NUBPL: variants seen among roughly 807,000 people sequenced by gnomAD.
NUBPL encodes iron-sulfur cluster transfer protein NUBPL.
A neutral mutation model predicts 45.7 loss-of-function variants in NUBPL; 31 were observed. The observed-to-expected ratio is 0.68, with a 90% CI of 0.51 to 0.92. NUBPL has a LOEUF of 0.92. Ranked by LOEUF, NUBPL falls within the 40% of genes least tolerant of loss-of-function variation. The probability of loss-of-function intolerance (pLI) is 0.00; values close to 1 mark genes in which losing one functional copy is unlikely to be tolerated. For missense variants in NUBPL, 401 were observed against 398.7 expected (o/e 1.01, Z -0.05); for synonymous variants, 144 against 140.9 (o/e 1.02, Z -0.15).
At chr14:31,591,079 C>A (rs1595333520) in intron 3 of NUBPL, among the ~76,000 whole-genome samples, 2 of 152,228 alleles carry the variant, frequency 1.3e-5, no homozygotes, top group South Asian at 4.1e-4. Flanking sequence ...ATATTTGAAA[C>A]CCTATTGTAC....
chr14:31,814,714 T>A (rs1262381757), intron 7 of NUBPL, among the ~76,000 whole-genome samples: 2 of 152,206 alleles, frequency 1.3e-5, no homozygotes, highest in African/African-American at 4.8e-5. Flanking sequence ...AATTTTTGAA[T>A]AAGGTGTAAG....
chr14:31,795,283 C>T lies in NUBPL; in HGVS notation c.607+7410C>T, dbSNP rs2039462069. ...ATTCTGTGAAGAAAGTCATTGGTAG[C>T]TTGATGGGGATGGCATTGAATCTGT... On this transcript the variant is annotated intron_variant, in intron 7 of 10. Coordinates refer to ENST00000281081, the MANE Select transcript of NUBPL (RefSeq NM_025152.3). Among the ~76,000 whole-genome samples the T allele has an allele frequency of 2.7e-5, 4 of 146,240 alleles. No individual in the cohort carries two copies. The South Asian group carries it at 8.9e-4, about 33-fold the overall frequency.
rs891997086 is a variant in NUBPL, at chr14:31,757,855, C to T, written c.514-29925C>T. Among the ~76,000 whole-genome samples, 4 of 152,100 alleles carry T rather than the reference C, an allele frequency of 2.6e-5. No individual in the cohort carries two copies. The East Asian group carries it at 7.7e-4, about 29-fold the overall frequency. Reference sequence around the variant, plus strand: ...CTAGTCTGACCTCTACTTACCTCATCTCTACCATGCTTACCCAAGTTCAGA... The same window carrying T: ...CTAGTCTGACCTCTACTTACCTCATTTCTACCATGCTTACCCAAGTTCAGA... On this transcript the variant is annotated intron_variant, in intron 6 of 10. Coordinates refer to ENST00000281081, the MANE Select transcript of NUBPL (RefSeq NM_025152.3).
At chr14:31,665,290 CT>C (rs2036379419) in intron 4 of NUBPL, among the ~76,000 whole-genome samples, 1 of 152,034 alleles carries the variant, frequency 6.6e-6, no homozygotes, top group African/African-American at 2.4e-5. Flanking sequence ...GCTCTTGCTT[CT>C]CTAGTTCTTT....
chr14:31,763,483 A>C (rs148261790), intron 6 of NUBPL, among the ~76,000 whole-genome samples: 201 of 152,170 alleles, frequency 1.3e-3, no homozygotes, highest in African/African-American at 4.7e-3. Context: ...TTATGTGTTC[A>C]TATGTCCTTG....
chr14:31,568,528 A>C (rs1211746380), intron 3 of NUBPL, among the ~76,000 whole-genome samples: 1 of 152,228 alleles, frequency 6.6e-6, no homozygotes, highest in Non-Finnish European at 1.5e-5. Context: ...ATTTCAGAAA[A>C]ATTGGATTCA....
In NUBPL at chr14:31,860,302, C is replaced by CAAAAAAAAAAAAAAAAAAAAAAAAAAAA. The variant is rs34847511; in HGVS notation, c.*1147_*1148insAAAAAAAAAAAAAAAAAAAAAAAAAAAA. The CAAAAAAAAAAAAAAAAAAAAAAAAAAAA allele has an allele frequency of 1.3e-5, 1 of 75,498 alleles. No homozygotes were observed. Among genetic ancestry groups the CAAAAAAAAAAAAAAAAAAAAAAAAAAAA allele is most frequent in the African/African-American group, 5.1e-5 (1 of 19,480 alleles). The allele number at this position is 75,498 out of a possible 1,614,324, so 4.7% of individuals were successfully genotyped here. ...TGGTCAATGGAGTGCGACTCCATCT[C>CAAAAAAAAAAAAAAAAAAAAAAAAAAAA]AAAAAAAAAAAAAAAAAAAAAAAAA... is the stretch of plus-strand genomic sequence containing the variant. On this transcript the variant is annotated 3_prime_UTR_variant, in exon 11 of 11. Transcript: ENST00000281081.
chr14:31,610,608 C>CAAAAAAAAAAAAAAAAAAAAA (rs775656176), intron 4 of NUBPL, among the ~76,000 whole-genome samples: 6 of 94,708 alleles, frequency 6.3e-5, no homozygotes, highest in East Asian at 3.2e-4. Context: ...AAAGATACAT[C>CAAAAAAAAAAAAAAAAAAAAA]AAAAAAAAAA....
intron 7 of NUBPL, among the ~76,000 whole-genome samples, chr14:31,805,742 G>A (rs2039672617): frequency 6.6e-6 from 1 of 151,980 alleles, no homozygotes; most frequent in Admixed American, 6.6e-5. Context: ...CAACACACTG[G>A]GGCCTCTCAG....
intron 4 of NUBPL, among the ~76,000 whole-genome samples, chr14:31,653,418 C>G (rs2036061214): frequency 6.6e-6 from 1 of 152,152 alleles, no homozygotes; most frequent in African/African-American, 2.4e-5. Flanking sequence ...GAATGCAATT[C>G]TTTTCCTAGG....
intron 6 of NUBPL, among the ~76,000 whole-genome samples, chr14:31,698,028 C>T (rs2037251579): frequency 6.6e-6 from 1 of 152,142 alleles, no homozygotes; most frequent in Admixed American, 6.5e-5. Flanking sequence ...TGGGGACTTC[C>T]AGTACTGGAG....
intron 4 of NUBPL, among the ~76,000 whole-genome samples, chr14:31,609,274 T>TA (rs2034689905): frequency 6.6e-6 from 1 of 152,160 alleles, no homozygotes. Context: ...GGAGTTGCTA[T>TA]ACTTACATCA....
intron 10 of NUBPL, among the ~76,000 whole-genome samples, chr14:31,853,533 T>C (rs1381666279): frequency 6.6e-6 from 1 of 152,180 alleles, no homozygotes; most frequent in African/African-American, 2.4e-5. Context: ...CACAAAATCC[T>C]TTAGAATTAC....
chr14:31,598,294 ATAGG>A (rs1333417826), intron 3 of NUBPL, among the ~76,000 whole-genome samples: 2 of 152,188 alleles, frequency 1.3e-5, no homozygotes, highest in Admixed American at 1.3e-4. Context: ...TTGTCTAGAA[ATAGG>A]TAGGTAACAT....
intron 4 of NUBPL, among the ~76,000 whole-genome samples, chr14:31,599,930 T>TC (rs1310866336): frequency 6.6e-6 from 1 of 150,520 alleles, no homozygotes; most frequent in East Asian, 2.0e-4. Context: ...TTTTCTTTTT[T>TC]TTTTTTTTTG....
At chr14:31,594,907 T>A (rs1271074464) in intron 3 of NUBPL, among the ~76,000 whole-genome samples, 2 of 152,200 alleles carry the variant, frequency 1.3e-5, no homozygotes, top group East Asian at 3.8e-4. Context: ...GCTGGGTACT[T>A]CTGTAGAAGT....
intron 6 of NUBPL, among the ~76,000 whole-genome samples, chr14:31,775,464 A>G (rs1259792045): frequency 6.6e-6 from 1 of 152,100 alleles, no homozygotes. Flanking sequence ...CAAAAGTGCC[A>G]TATCTCACAT....
At chr14:31,814,477 A>G (rs2115957) in intron 7 of NUBPL, among the ~76,000 whole-genome samples, 24,408 of 152,012 alleles carry the variant, frequency 0.16, 5,670 homozygotes, top group African/African-American at 0.52. Context: ...CTCCCATTCT[A>G]TAGGTTGGCT....
At chr14:31,707,478 T>C (rs71417976) in intron 6 of NUBPL, among the ~76,000 whole-genome samples, 3 of 152,248 alleles carry the variant, frequency 2.0e-5, no homozygotes, top group Non-Finnish European at 4.4e-5. Flanking sequence ...CCTCTCTTTG[T>C]ACTTCTTTCT....
Sources: gnomAD v4.1 joint callset for allele counts (sites outside exome capture counted in the v4.1 genomes callset) on GRCh38, gnomAD v4.1.1 for gene constraint, MANE v1.5 for transcripts, NCBI Gene and HGNC (gene_info 2026-07-23, HGNC 2026-07-21) for gene names.